NOS1AP: variants seen among roughly 807,000 people sequenced by gnomAD.
NOS1AP encodes carboxyl-terminal PDZ ligand of neuronal nitric oxide synthase protein.
NOS1AP carries 21 observed loss-of-function variants against 56.2 expected under a neutral mutation model. The ratio of observed to expected loss-of-function variants is 0.37; its 90% CI spans 0.26 to 0.54. The LOEUF is 0.54. NOS1AP is among the 20% of genes least tolerant of loss of function. NOS1AP has a pLI of 0.84. For synonymous variants in NOS1AP, 270 were observed against 274.6 expected (o/e 0.98, Z 0.17); for missense variants, 522 against 657.8 (o/e 0.79, Z 2.26).
chr1:162,316,354 G>T (rs1012762393), intron 4 of NOS1AP, among the ~76,000 whole-genome samples: 1 of 152,210 alleles, frequency 6.6e-6, no homozygotes, highest in African/African-American at 2.4e-5. Context: ...CAGGAAGAGA[G>T]CCCAGCACCT....
intron 8 of NOS1AP, chr1:162,362,930 A>G: frequency 1.0e-6 from 1 of 974,546 alleles, no homozygotes; most frequent in Non-Finnish European, 1.2e-6. Flanking sequence ...TGTTGAGTGG[A>G]TATAGGAAGA....
intron 2 of NOS1AP, among the ~76,000 whole-genome samples, chr1:162,262,657 T>C (rs989544571): frequency 6.6e-6 from 1 of 152,180 alleles, no homozygotes; most frequent in Non-Finnish European, 1.5e-5. Context: ...TAATAGCAAA[T>C]TATGTAGAAT....
At chr1:162,365,796 T>C (rs149253689) in intron 9 of NOS1AP, among the ~76,000 whole-genome samples, 1 of 152,270 alleles carries the variant, frequency 6.6e-6, no homozygotes, top group East Asian at 1.9e-4. Flanking sequence ...GGCTGGACTT[T>C]GAATGTCCCC....
At chr1:162,258,306 G>C (rs1010361432) in intron 2 of NOS1AP, among the ~76,000 whole-genome samples, 13 of 152,130 alleles carry the variant, frequency 8.5e-5, no homozygotes, top group African/African-American at 3.1e-4. Context: ...TTAATTATTT[G>C]GGTGCCCTGC....
chr1:162,098,352 C>T (rs908326895), intron 1 of NOS1AP, among the ~76,000 whole-genome samples: 1 of 152,074 alleles, frequency 6.6e-6, no homozygotes, highest in African/African-American at 2.4e-5. Flanking sequence ...AGTGATCTAC[C>T]AGTCTCAGCC....
At chr1:162,214,348 C>T (rs992036601) in intron 2 of NOS1AP, among the ~76,000 whole-genome samples, 7 of 152,128 alleles carry the variant, frequency 4.6e-5, no homozygotes, top group South Asian at 4.2e-4. Flanking sequence ...GCTGCGTGCC[C>T]GCCTCCAGAC....
intron 4 of NOS1AP, among the ~76,000 whole-genome samples, chr1:162,301,238 T>A (rs1655643686): frequency 6.6e-6 from 1 of 151,958 alleles, no homozygotes; most frequent in Admixed American, 6.6e-5. Context: ...GAGTTAGGAG[T>A]TGAGACCTTT....
At chr1:162,148,359 G>A (rs759670939) in intron 1 of NOS1AP, among the ~76,000 whole-genome samples, 1 of 152,236 alleles carries the variant, frequency 6.6e-6, no homozygotes, top group Non-Finnish European at 1.5e-5. Flanking sequence ...TTTTAGCTGT[G>A]TGTTCTAGAC....
chr1:162,302,469 A>G (rs1432611382), intron 4 of NOS1AP, among the ~76,000 whole-genome samples: 1 of 152,206 alleles, frequency 6.6e-6, no homozygotes, highest in Non-Finnish European at 1.5e-5. Context: ...CACCTATGAT[A>G]TGCATTTTGT....
At chr1:162,124,615 C>A (rs1347632709) in intron 1 of NOS1AP, among the ~76,000 whole-genome samples, 1 of 151,798 alleles carries the variant, frequency 6.6e-6, no homozygotes, top group Non-Finnish European at 1.5e-5. Flanking sequence ...CTCTGCCTCC[C>A]AGGTTCAAGC....
chr1:162,268,133 C>T (rs1654481713), intron 2 of NOS1AP, among the ~76,000 whole-genome samples: 1 of 152,030 alleles, frequency 6.6e-6, no homozygotes, highest in East Asian at 1.9e-4. Context: ...GTGGCGTGTG[C>T]CTGTAATCCC....
chr1:162,077,147 C>T (rs1020392027), intron 1 of NOS1AP, among the ~76,000 whole-genome samples: 2 of 151,998 alleles, frequency 1.3e-5, no homozygotes, highest in African/African-American at 4.8e-5. Flanking sequence ...CCATGTGTGA[C>T]CATTTGTGGG....
intron 2 of NOS1AP, among the ~76,000 whole-genome samples, chr1:162,245,250 T>C (rs1432879373): frequency 6.6e-6 from 1 of 152,148 alleles, no homozygotes; most frequent in Admixed American, 6.5e-5. Flanking sequence ...AAAGAAGACA[T>C]AAAGATGGCA....
Position 162,154,434 on chromosome 1 carries a change from C to T in NOS1AP, c.135C>T (p.Pro45=). 1 of 1,614,092 alleles carries T rather than the reference C, an allele frequency of 6.2e-7. No homozygotes were observed. The highest frequency in any genetic ancestry group is 2.2e-5 in the East Asian group (1 of 44,868). Residue 45 remains proline (P), a synonymous_variant, in exon 2 of 10, where the codon CCC becomes CCT. Transcript: ENST00000361897. ...KYVGSLDVPR[P]NSRVEIVAAM... is the part of the protein sequence containing the mutation. ...TAGGAAGCCTGGACGTGCCAAGGCCCAACAGCAGGGTGGAGATCGTGGCTG... is the reference window on the plus strand; with the variant it reads ...TAGGAAGCCTGGACGTGCCAAGGCCTAACAGCAGGGTGGAGATCGTGGCTG...
intron 1 of NOS1AP, among the ~76,000 whole-genome samples, chr1:162,084,383 G>C (rs564947038): frequency 1.1e-4 from 17 of 152,146 alleles, no homozygotes; most frequent in Admixed American, 7.9e-4. Flanking sequence ...TACCACCCTG[G>C]TTGGAAAGGG....
chr1:162,138,854 G>C (rs1649114970), intron 1 of NOS1AP, among the ~76,000 whole-genome samples: 1 of 152,146 alleles, frequency 6.6e-6, no homozygotes, highest in Non-Finnish European at 1.5e-5. Context: ...ACTGCACCTA[G>C]GGCAGTTAGC....
chr1:162,217,788 C>G (rs902503318), intron 2 of NOS1AP, among the ~76,000 whole-genome samples: 3 of 152,170 alleles, frequency 2.0e-5, no homozygotes, highest in East Asian at 1.9e-4. Context: ...CTTGGTCAGC[C>G]TGCCAGTTCC....
rs932056360 is a variant in NOS1AP at position 162,257,363 on chromosome 1, C to T, written c.178-29981C>T. ...GCTACTGAAGAGAAAGCAAGCCAGG[C>T]CCAGACCAGGCACGGTGGCTCATGC... On this transcript the variant is annotated intron_variant, in intron 2 of 9. Transcript: ENST00000361897. Among the ~76,000 whole-genome samples the T allele has an allele frequency of 3.3e-5, 5 of 152,104 alleles. No homozygotes were observed. The East Asian group carries it at 7.8e-4, about 24-fold the overall frequency.
At chr1:162,281,639 G>A (rs2101730830) in intron 2 of NOS1AP, among the ~76,000 whole-genome samples, 1 of 152,314 alleles carries the variant, frequency 6.6e-6, no homozygotes, top group African/African-American at 2.4e-5. Context: ...TAGGCATAGG[G>A]AATAGCAAAT....
Sources: allele counts gnomAD v4.1 joint callset (sites outside exome capture counted in the v4.1 genomes callset), GRCh38; gene constraint gnomAD v4.1.1; transcripts MANE v1.5; gene names NCBI Gene and HGNC (gene_info 2026-07-23, HGNC 2026-07-21).